HECTD3: variants seen among roughly 807,000 people sequenced by gnomAD.
The protein encoded by HECTD3 is E3 ubiquitin-protein ligase HECTD3.
A neutral mutation model predicts 109.3 loss-of-function variants in HECTD3; 72 were observed. The ratio of observed to expected loss-of-function variants is 0.66; its 90% CI spans 0.54 to 0.80. The LOEUF (loss-of-function observed/expected upper bound fraction) is 0.80, where lower values mean the gene tolerates loss of function less well. Among genes scored for constraint, HECTD3 ranks in the 30% least tolerant of loss-of-function variants. The probability of loss-of-function intolerance (pLI) is 0.00; values close to 1 mark genes in which losing one functional copy is unlikely to be tolerated. For missense variants in HECTD3, 1,041 were observed against 1,165.2 expected, an observed-to-expected ratio of 0.89 and a Z score of 1.55; for synonymous variants, 481 against 471.8, an observed-to-expected ratio of 1.02 and a Z score of -0.25.
At chr1:45,004,027 A>C in intron 18 of HECTD3, 33 bp downstream of exon 18, 1 of 1,613,674 alleles carries the variant, frequency 6.2e-7, no homozygotes, top group Non-Finnish European at 8.5e-7. Context: ...GCAGAGTCCA[A>C]ACCCAGGTGT....
At chr1:45,010,797 G>A (rs1314904625) in intron 1 of HECTD3, 91 bp from the exon 2 acceptor site, 30 of 1,512,634 alleles carry the variant, frequency 2.0e-5, no homozygotes, top group Non-Finnish European at 2.5e-5. Context: ...CGAACGCAAT[G>A]CCAACTCAAT....
In HECTD3 at chr1:45,008,475, A is replaced by ACCTCC. The variant is rs1644755703; in HGVS notation, c.1238+60_1238+61insGGAGG. On this transcript the variant is annotated intron_variant, in intron 8 of 20. Transcript: ENST00000372172. The stretch of plus-strand genomic sequence containing the variant: ...GAGACCTTGGGAACCTCCTCCATGC[A>ACCTCC]GACACACAAGGCTCAATGTTGGGGG... 19 of 1,573,470 alleles carry ACCTCC rather than the reference A, an allele frequency of 1.2e-5. No individual in the cohort carries two copies. In the South Asian group the frequency reaches 2.1e-4, roughly 17 times the overall value.
In HECTD3 at chr1:45,007,429, T is replaced by C. The variant is rs759138936; in HGVS notation, c.1487A>G (p.Asn496Ser). ...GGTGCAGACCTGGGTGAAGACTGCA[T>C]TCTTGCAGGCAGGGTCTCGAGAGGG... ...ACPSRDPACK[N>S]AVFTQVYEGL... The change falls in exon 10 of 21, where the codon AAT becomes AGT. Residue 496 changes from asparagine (N) to serine (S), a missense_variant. By Grantham distance (46) the Asn-to-Ser change is conservative. Coordinates refer to ENST00000372172, the MANE Select transcript of HECTD3 (RefSeq NM_024602.6). 1.7e-5 allele frequency: 28 copies of C among 1,614,032 alleles called. No individual in the cohort carries two copies. Among genetic ancestry groups the C allele is most frequent in the Non-Finnish European group, 2.3e-5 (27 of 1,180,020 alleles).
chr1:45,010,453 G>A, intron 2 of HECTD3, 93 bp downstream of exon 2: 1 of 1,548,544 alleles, frequency 6.5e-7, no homozygotes. Context: ...CTCCGCTCCA[G>A]TATCCCACCC....
In HECTD3 at chr1:45,004,331, A is replaced by G. The variant is rs199539620; in HGVS notation, c.2189T>C (p.Val730Ala). 469 of 1,613,948 alleles carry G rather than the reference A, an allele frequency of 2.9e-4. 1 individual carries two copies. The highest frequency in any genetic ancestry group is 3.7e-4 in the Non-Finnish European group (441 of 1,179,942). Residue 730 changes from valine (V) to alanine (A), a missense_variant, in exon 17 of 21, where the codon GTG (valine) becomes GCG (alanine). This residue lies in a region of HECTD3 where 569 missense variants were observed against 715.3 expected (regional missense o/e 0.80). Transcript: ENST00000372172. ...AGLLKVVPQAVLDLLTWQELE... is the reference protein window; with the variant it reads ...AGLLKVVPQAALDLLTWQELE... ...CTCTTGCCAGGTCAGCAAGTCCAGCACAGCCTGTGGTACCACCTTCAGCAG... is the reference window on the plus strand; with the variant it reads ...CTCTTGCCAGGTCAGCAAGTCCAGCGCAGCCTGTGGTACCACCTTCAGCAG...
At position 45,011,079 on chromosome 1, in the gene HECTD3, C is replaced by T; in HGVS notation, c.179G>A (p.Arg60His). The change falls in exon 1 of 21, where the codon CGC becomes CAC. Residue 60 changes from arginine (R) to histidine (H), a missense_variant. This residue lies in a region of HECTD3 where 472 missense variants were observed against 449.9 expected (regional missense o/e 1.05). Coordinates refer to ENST00000372172, the MANE Select transcript of HECTD3 (RefSeq NM_024602.6). ...TGCCTCCCACACCGGCAGAAGCACG[C>T]GCGACGGTCCCGCTGGGTCCTTGTA... is the stretch of plus-strand genomic sequence containing the variant. ...KLYKDPAGPS[R>H]VLLPVWEAEG... 6.8e-7 allele frequency: 1 copy of T among 1,461,566 alleles called. No individual in the cohort carries two copies. The highest frequency in any genetic ancestry group is 2.9e-5 in the East Asian group (1 of 34,808). 90.5% of individuals were successfully genotyped at this position (1,461,566 alleles called of 1,614,324 possible).
intron 5 of HECTD3, 34 bp from the exon 6 acceptor site, chr1:45,009,516 G>A (rs753149617): frequency 1.9e-6 from 3 of 1,606,778 alleles, no homozygotes; most frequent in Non-Finnish European, 2.6e-6. Context: ...GAGTCTTTGT[G>A]AACCCACAGG....
chr1:45,007,379 A>C (rs1300730162), intron 10 of HECTD3, 34 bp downstream of exon 10: 3 of 1,612,580 alleles, frequency 1.9e-6, no homozygotes, highest in African/African-American at 1.3e-5. Flanking sequence ...CCCTTGACTG[A>C]TCCTATCTCA....
chr1:45,007,547 C>T lies in HECTD3; in HGVS notation c.1369G>A (p.Ala457Thr), dbSNP rs1317807370. The T allele has an allele frequency of 1.2e-6, 2 of 1,613,696 alleles. No individual in the cohort carries two copies. The highest frequency in any genetic ancestry group is 1.7e-6 in the Non-Finnish European group (2 of 1,180,000). Residue 457 changes from alanine (A) to threonine (T), a missense_variant, in exon 10 of 21, where the codon GCT (alanine) becomes ACT (threonine). Ala to Thr is a moderately conservative substitution (Grantham distance 58, BLOSUM62 0). Coordinates refer to ENST00000372172, the MANE Select transcript of HECTD3 (RefSeq NM_024602.6). ...LLSRQRPGLV[A>T]QCLRDSESSK... Reference sequence around the variant, plus strand: ...CTCTCAGAGTCACGCAGGCACTGAGCCACCAGGCCTGGCCGCTGGCGGGAC... The same window carrying T: ...CTCTCAGAGTCACGCAGGCACTGAGTCACCAGGCCTGGCCGCTGGCGGGAC...
At chr1:45,008,174 A>C in intron 9 of HECTD3, 66 bp downstream of exon 9, 1 of 1,283,572 alleles carries the variant, frequency 7.8e-7, no homozygotes, top group Non-Finnish European at 1.1e-6. Context: ...AACTCTGCTA[A>C]GGAATGAACA....
In HECTD3 at chr1:45,008,267, G is replaced by C; in HGVS notation, c.1293C>G (p.His431Gln). Reference sequence around the variant, plus strand: ...TAATCTCACTGAAGGTGCCCAGTGTGTGGTCCCAGGCAGGTACCAGGTGGT... The same window carrying C: ...TAATCTCACTGAAGGTGCCCAGTGTCTGGTCCCAGGCAGGTACCAGGTGGT... ...VLHHLVPAWD[H>Q]TLGTFSEIKQ... Residue 431 changes from histidine to glutamine, a missense_variant, in exon 9 of 21, where the codon CAC (histidine) becomes CAG (glutamine). Physicochemically the swap from His to Gln is conservative, Grantham distance 24. Coordinates refer to ENST00000372172, the MANE Select transcript of HECTD3 (RefSeq NM_024602.6). 1 of 1,614,138 alleles carries C rather than the reference G, an allele frequency of 6.2e-7. No individual in the cohort carries two copies. Among genetic ancestry groups the C allele is most frequent in the South Asian group, 1.1e-5 (1 of 91,088 alleles).
intron 1 of HECTD3, 60 bp downstream of exon 1, chr1:45,010,829 G>A (rs1256676413): frequency 2.8e-5 from 42 of 1,505,340 alleles, no homozygotes; most frequent in Non-Finnish European, 3.4e-5. Context: ...AAGGCAAACA[G>A]CCAGAGGTTT....
chr1:45,008,349 A>G (rs371317321), intron 8 of HECTD3, 28 bp from the exon 9 acceptor site: 5 of 1,595,034 alleles, frequency 3.1e-6, no homozygotes, highest in Non-Finnish European at 3.4e-6. Context: ...ACTGCAGCTA[A>G]AGAGTTTAGC....
Position 45,010,984 on chromosome 1 carries a change from C to A in HECTD3, c.274G>T (p.Ala92Ser). 2.7e-6 allele frequency: 4 copies of A among 1,498,110 alleles called. No individual in the cohort carries two copies. Among genetic ancestry groups the A allele is most frequent in the South Asian group, 1.3e-5 (1 of 77,402 alleles). The allele number at this position is 1,498,110 out of a possible 1,614,324, so 92.8% of individuals were successfully genotyped here. Reference sequence around the variant, plus strand: ...CGCCGGAGCTCAATGCTGTCGCGGGCGGCGCGGAGGGGCCCGGAGCCGGTA... The same window carrying A: ...CGCCGGAGCTCAATGCTGTCGCGGGAGGCGCGGAGGGGCCCGGAGCCGGTA... The part of the protein sequence containing the change: ...PGTGSGPLRA[A>S]RDSIELRRGA... The change falls in exon 1 of 21, where the codon GCC (alanine) becomes TCC (serine). Residue 92 changes from alanine to serine, a missense_variant. Ala to Ser is a moderately conservative substitution (Grantham distance 99). Around this residue, in one of 2 missense-constraint regions of HECTD3, gnomAD observed 472 missense variants for 449.9 expected, o/e 1.05. Coordinates refer to ENST00000372172, the MANE Select transcript of HECTD3 (RefSeq NM_024602.6).
rs12749251 is a variant in HECTD3, at chr1:45,003,504, A to T, written c.2574T>A (p.Pro858=). ...NCVAIDTDMS[P]WEE ...CCGGCGGCACGCCTCACTCCTCCCA[A>T]GGGCTCATGTCAGTGTCGATGGCCA... The change falls in exon 21 of 21, where the codon CCT becomes CCA. Residue 858 remains proline, a synonymous_variant. Coordinates refer to ENST00000372172, the MANE Select transcript of HECTD3 (RefSeq NM_024602.6). This position sits in a 1 kb window ranked among gnomAD's most constrained non-coding sequence, Gnocchi z 4.7. 218,530 of 1,613,834 alleles carry T rather than the reference A, an allele frequency of 0.14. 16,294 individuals are homozygous for T. Among genetic ancestry groups the T allele is most frequent in the Non-Finnish European group, 0.16 (183,599 of 1,179,704 alleles).
chr1:45,004,032 A>C, intron 18 of HECTD3, 28 bp downstream of exon 18: 3 of 1,613,690 alleles, frequency 1.9e-6, no homozygotes, highest in Non-Finnish European at 1.7e-6. Flanking sequence ...GTCCAAACCC[A>C]GGTGTCACCC....
At position 45,011,298 on chromosome 1, in the gene HECTD3, C is replaced by A; in HGVS notation, c.-41G>T. Reference sequence around the variant, plus strand: ...GTGAGCACCTAGAGGCGACCCTGCCCGGGGAACAGCTGGCGCGACCGCGGA... The same window carrying A: ...GTGAGCACCTAGAGGCGACCCTGCCAGGGGAACAGCTGGCGCGACCGCGGA... On this transcript the variant is annotated 5_prime_UTR_variant, in exon 1 of 21. Transcript: ENST00000372172. The A allele has an allele frequency of 7.4e-7, 1 of 1,349,782 alleles. No individual in the cohort carries two copies. Among genetic ancestry groups the A allele is most frequent in the South Asian group, 1.8e-5 (1 of 55,430 alleles). The allele number at this position is 1,349,782 out of a possible 1,614,324, so 83.6% of individuals were successfully genotyped here.
Position 45,010,018 on chromosome 1 carries a change from ACTG to A in HECTD3, c.724_726del (p.Gln242del), listed in dbSNP as rs753282187. ...GAGGAAACGTCTATGCTCTCCACAT[ACTG>A]CTTCACGCTACCCAGGTTCTCATCC... On this transcript the variant is annotated inframe_deletion, in exon 4 of 21. Coordinates refer to ENST00000372172, the MANE Select transcript of HECTD3 (RefSeq NM_024602.6). 1.9e-6 allele frequency: 3 copies of A among 1,551,994 alleles called. No homozygotes were observed. Among genetic ancestry groups the A allele is most frequent in the Non-Finnish European group, 2.6e-6 (3 of 1,145,872 alleles).
rs920595353 is a variant in HECTD3 at position 45,006,406 on chromosome 1, A to G, written c.1725+286T>C. ...CTGCAACCTCCGTCTCCTGGGTTCA[A>G]GCGAGTCGCCTGCTTCAGCCTCCCA... On this transcript the variant is annotated intron_variant, in intron 13 of 20. Transcript: ENST00000372172. This position sits in a 1 kb window ranked among gnomAD's most constrained non-coding sequence, Gnocchi z 4.7. Among the ~76,000 whole-genome samples the G allele has an allele frequency of 2.0e-5, 3 of 151,936 alleles. No individual in the cohort carries two copies. Among genetic ancestry groups the G allele is most frequent in the Non-Finnish European group, 2.9e-5 (2 of 67,988 alleles).
Sources: gnomAD v4.1 joint callset for allele counts (sites outside exome capture counted in the v4.1 genomes callset) on GRCh38, gnomAD v4.1.1 for gene constraint, gnomAD v4.1.1 regional missense constraint, Gnocchi (gnomAD v3.1) non-coding constraint, MANE v1.5 for transcripts, NCBI Gene and HGNC (gene_info 2026-07-23, HGNC 2026-07-21) for gene names.